Variants in GABBR2 observed in about 807,000 individuals in gnomAD.
The protein encoded by GABBR2 is gamma-aminobutyric acid type B receptor subunit 2.
GABBR2 carries 23 observed loss-of-function variants against 105.6 expected under a neutral mutation model. The ratio of observed to expected loss-of-function variants is 0.22; its 90% CI spans 0.16 to 0.31. The LOEUF (loss-of-function observed/expected upper bound fraction) is 0.31, where lower values mean the gene tolerates loss of function less well. GABBR2 is among the 10% of genes least tolerant of loss of function. The probability of loss-of-function intolerance (pLI) is 1.00; values close to 1 mark genes in which losing one functional copy is unlikely to be tolerated. For synonymous variants in GABBR2, 478 were observed against 499.7 expected (o/e 0.96, Z 0.58); for missense variants, 734 against 1,245.5 (o/e 0.59, Z 6.18).
In GABBR2 at chr9:98,648,080, G is replaced by GGTGT. The variant is rs1554723457; in HGVS notation, c.321+60333_321+60336dup. Among the ~76,000 whole-genome samples, 36 of 68,010 alleles carry GGTGT rather than the reference G, an allele frequency of 5.3e-4. 1 individual carries two copies. The highest frequency in any genetic ancestry group is 1.8e-3 in the South Asian group (3 of 1,658). 44.6% of individuals were successfully genotyped at this position (68,010 alleles called of 152,430 possible). ...CCCCTTTCTATCATTAATCATACAG[G>GGTGT]GTGTGTGTGTGTGTGTGTGTGTGTG... On this transcript the variant is annotated intron_variant, in intron 1 of 18. Transcript: ENST00000259455.
At chr9:98,607,418 A>T in intron 1 of GABBR2, 1 of 639,954 alleles carries the variant, frequency 1.6e-6, no homozygotes, top group Non-Finnish European at 2.8e-6. Context: ...CAGAAGACAC[A>T]CTCACACCAG....
At chr9:98,382,149 CCAA>C (rs1448375922) in intron 11 of GABBR2, among the ~76,000 whole-genome samples, 12 of 152,042 alleles carry the variant, frequency 7.9e-5, no homozygotes, top group Admixed American at 6.5e-4. Flanking sequence ...TCCCAGGTGT[CCAA>C]CAGCAAGTGA....
At chr9:98,538,498 T>C (rs780685221) in intron 3 of GABBR2, 1 of 467,124 alleles carries the variant, frequency 2.1e-6, no homozygotes, top group Non-Finnish European at 2.8e-6. Context: ...TAGAGATCAG[T>C]ACCTCAGACC....
At chr9:98,613,623 A>G (rs540191810) in intron 1 of GABBR2, among the ~76,000 whole-genome samples, 1 of 152,388 alleles carries the variant, frequency 6.6e-6, no homozygotes, top group East Asian at 1.9e-4. Flanking sequence ...TGGACAGCAG[A>G]CATCTCTTCA....
intron 3 of GABBR2, among the ~76,000 whole-genome samples, chr9:98,508,077 A>G (rs188381531): frequency 6.3e-4 from 96 of 152,220 alleles, no homozygotes; most frequent in Non-Finnish European, 7.5e-4. Context: ...ATTGTTCCAG[A>G]CTCGAGGGAC....
intron 11 of GABBR2, among the ~76,000 whole-genome samples, chr9:98,378,232 G>T (rs1831911584): frequency 6.6e-6 from 1 of 152,150 alleles, no homozygotes; most frequent in African/African-American, 2.4e-5. Flanking sequence ...CTCTAGGAGG[G>T]CAGGAAGAGG....
chr9:98,593,114 G>A (rs765892701), intron 1 of GABBR2, among the ~76,000 whole-genome samples: 25 of 152,194 alleles, frequency 1.6e-4, no homozygotes, highest in Admixed American at 7.8e-4. Context: ...CTAAAGCTCT[G>A]GGATTACAGG....
chr9:98,384,313 AT>A (rs1832032797), intron 11 of GABBR2, among the ~76,000 whole-genome samples: 1 of 152,228 alleles, frequency 6.6e-6, no homozygotes, highest in South Asian at 2.1e-4. Context: ...CTATTAAGTG[AT>A]TGCTAATACA....
chr9:98,328,761 G>T (rs1830970597), intron 13 of GABBR2, among the ~76,000 whole-genome samples: 2 of 152,214 alleles, frequency 1.3e-5, no homozygotes, highest in Admixed American at 1.3e-4. Flanking sequence ...GGCCAGAACT[G>T]CCTGGTGACC....
intron 13 of GABBR2, among the ~76,000 whole-genome samples, chr9:98,318,296 C>T (rs1004530910): frequency 6.6e-6 from 1 of 152,140 alleles, no homozygotes; most frequent in Admixed American, 6.5e-5. Flanking sequence ...GGCAGCAAGG[C>T]CTTAAAGGAT....
At chr9:98,442,078 G>A (rs542816636) in intron 7 of GABBR2, among the ~76,000 whole-genome samples, 1 of 152,182 alleles carries the variant, frequency 6.6e-6, no homozygotes, top group Non-Finnish European at 1.5e-5. Context: ...AAATAAATAT[G>A]TATTAATATA....
intron 7 of GABBR2, among the ~76,000 whole-genome samples, chr9:98,416,484 G>C (rs1165997914): frequency 3.9e-5 from 6 of 152,212 alleles, no homozygotes; most frequent in African/African-American, 1.4e-4. Context: ...ACTCTGTCCT[G>C]TTAGCTTCCG....
chr9:98,323,368 G>A (rs1830859767), intron 13 of GABBR2, among the ~76,000 whole-genome samples: 1 of 152,260 alleles, frequency 6.6e-6, no homozygotes. Flanking sequence ...GAAAGAGGAT[G>A]GAAAGCCCTG....
intron 1 of GABBR2, among the ~76,000 whole-genome samples, chr9:98,606,138 G>A (rs928105623): frequency 3.3e-5 from 5 of 152,198 alleles, no homozygotes; most frequent in African/African-American, 1.2e-4. Flanking sequence ...ATTCCATGGT[G>A]TATATGTGCC....
intron 13 of GABBR2, among the ~76,000 whole-genome samples, chr9:98,361,374 C>T (rs1048101927): frequency 1.7e-5 from 2 of 120,166 alleles, no homozygotes; most frequent in Admixed American, 7.3e-5. Flanking sequence ...TCATCATCAT[C>T]GCTCTTATCA....
chr9:98,557,126 T>A (rs532142821), intron 2 of GABBR2, among the ~76,000 whole-genome samples: 27 of 152,260 alleles, frequency 1.8e-4, no homozygotes, highest in Non-Finnish European at 3.1e-4. Context: ...TAATAGAAGA[T>A]GAGGAGATGA....
intron 1 of GABBR2, among the ~76,000 whole-genome samples, chr9:98,594,085 C>A (rs1048998144): frequency 2.0e-5 from 3 of 152,206 alleles, no homozygotes; most frequent in African/African-American, 7.2e-5. Flanking sequence ...ACCCCAACAT[C>A]TCAGGTCTGA....
intron 14 of GABBR2, among the ~76,000 whole-genome samples, chr9:98,309,333 T>C (rs1408170641): frequency 6.6e-6 from 1 of 152,222 alleles, no homozygotes; most frequent in African/African-American, 2.4e-5. Context: ...GTCAATATGA[T>C]TCATCGTAAT....
intron 2 of GABBR2, among the ~76,000 whole-genome samples, chr9:98,556,820 G>A (rs553433352): frequency 1.3e-5 from 2 of 152,276 alleles, no homozygotes; most frequent in South Asian, 4.1e-4. Flanking sequence ...TGAGGTGGGC[G>A]GATCGCTTGA....
Sources: gnomAD v4.1 joint callset for allele counts (sites outside exome capture counted in the v4.1 genomes callset) on GRCh38, gnomAD v4.1.1 for gene constraint, MANE v1.5 for transcripts, NCBI Gene and HGNC (gene_info 2026-07-23, HGNC 2026-07-21) for gene names.